Variants in WWTR1 observed in about 807,000 individuals in gnomAD.
The protein encoded by WWTR1 is WW domain-containing transcription regulator protein 1.
A neutral mutation model predicts 40.1 loss-of-function variants in WWTR1; 13 were observed. The ratio of observed to expected loss-of-function variants is 0.32; its 90% CI spans 0.21 to 0.52. The LOEUF (loss-of-function observed/expected upper bound fraction) is 0.52, where lower values mean the gene tolerates loss of function less well. Among genes scored for constraint, WWTR1 ranks in the 20% least tolerant of loss-of-function variants. WWTR1 has a pLI of 0.97. For synonymous variants in WWTR1, 230 were observed against 210.1 expected (o/e 1.09, Z -0.82); for missense variants, 436 against 523.1 (o/e 0.83, Z 1.63).
At chr3:149,677,485 A>G (rs1344933251) in intron 1 of WWTR1, among the ~76,000 whole-genome samples, 1 of 152,146 alleles carries the variant, frequency 6.6e-6, no homozygotes, top group Non-Finnish European at 1.5e-5. Context: ...CTCCAAATGT[A>G]TATCTACAGA....
intron 1 of WWTR1, among the ~76,000 whole-genome samples, chr3:149,692,159 A>G (rs2108214265): frequency 6.6e-6 from 1 of 152,200 alleles, no homozygotes; most frequent in East Asian, 1.9e-4. Context: ...GACACATTAA[A>G]AAAAAAAAGA....
intron 3 of WWTR1, among the ~76,000 whole-genome samples, chr3:149,566,945 T>G (rs746215630): frequency 9.1e-4 from 139 of 152,236 alleles, no homozygotes; most frequent in Non-Finnish European, 1.7e-3. Flanking sequence ...TGTGCATGTG[T>G]GTATATGTAA....
Position 149,520,029 on chromosome 3 carries a change from A to C in WWTR1, c.*776T>G, listed in dbSNP as rs1734968263. The C allele has an allele frequency of 6.6e-6, 1 of 152,190 alleles. No homozygotes were observed. Among genetic ancestry groups the C allele is most frequent in the South Asian group, 2.1e-4 (1 of 4,830 alleles). 9.4% of individuals were successfully genotyped at this position (152,190 alleles called of 1,614,324 possible). On this transcript the variant is annotated 3_prime_UTR_variant, in exon 7 of 7. Transcript: ENST00000360632. ...TAAATCCCCAGTTGTAATATTTCAA[A>C]AACTTTTGTTTGAATAAAATGCTCA...
intron 2 of WWTR1, among the ~76,000 whole-genome samples, chr3:149,613,588 C>T (rs1013091706): frequency 1.3e-5 from 2 of 152,120 alleles, no homozygotes; most frequent in African/African-American, 2.4e-5. Context: ...CTCTGTTGCC[C>T]AGGGTGGAGT....
chr3:149,632,189 G>A (rs761690271), intron 2 of WWTR1, among the ~76,000 whole-genome samples: 18 of 152,172 alleles, frequency 1.2e-4, no homozygotes, highest in Middle Eastern at 6.8e-3. Context: ...CTGGGATTAC[G>A]GGCGTGAGAG....
chr3:149,698,077 T>TGCTCTCACA (rs1559844504), intron 1 of WWTR1, among the ~76,000 whole-genome samples: 41 of 152,356 alleles, frequency 2.7e-4, no homozygotes, highest in African/African-American at 8.9e-4. Flanking sequence ...TGGAGTTGAG[T>TGCTCTCACA]ACTTGCATGT....
chr3:149,621,056 G>A (rs2108085559), intron 2 of WWTR1, among the ~76,000 whole-genome samples: 1 of 152,336 alleles, frequency 6.6e-6, no homozygotes, highest in East Asian at 1.9e-4. Context: ...GAAAACAAAT[G>A]TGCTGCCGTT....
intron 1 of WWTR1, among the ~76,000 whole-genome samples, chr3:149,687,161 TACTGCAATTTTAGAGCTTACCTACTTCA>T (rs1714681328): frequency 1.3e-5 from 2 of 152,192 alleles, no homozygotes; most frequent in Admixed American, 6.5e-5. Flanking sequence ...ACCTTTTACC[TACTGCAATTTTAGAGCTTACCTACTTCA>T]ACTGCAATTT....
intron 3 of WWTR1, among the ~76,000 whole-genome samples, chr3:149,564,831 G>A (rs555489442): frequency 3.3e-5 from 5 of 152,254 alleles, no homozygotes; most frequent in East Asian, 3.9e-4. Context: ...AAATTAGAAT[G>A]TTACAACAAA....
At chr3:149,565,133 G>T (rs1037038714) in intron 3 of WWTR1, among the ~76,000 whole-genome samples, 1 of 151,106 alleles carries the variant, frequency 6.6e-6, no homozygotes, top group Non-Finnish European at 1.5e-5. Context: ...GTTGCAGTGA[G>T]CCGAGATCAC....
intron 2 of WWTR1, among the ~76,000 whole-genome samples, chr3:149,626,208 T>C (rs979440295): frequency 1.3e-5 from 2 of 152,242 alleles, no homozygotes; most frequent in African/African-American, 4.8e-5. Context: ...TAGGAAACAA[T>C]TGCAAATAAG....
intron 3 of WWTR1, among the ~76,000 whole-genome samples, chr3:149,570,114 T>C (rs574749127): frequency 5.2e-5 from 8 of 152,392 alleles, no homozygotes; most frequent in African/African-American, 1.7e-4. Context: ...AATTAAGTCC[T>C]GGTCTTTGGA....
intron 2 of WWTR1, among the ~76,000 whole-genome samples, chr3:149,635,332 G>A (rs1297796631): frequency 6.6e-6 from 1 of 152,178 alleles, no homozygotes; most frequent in Non-Finnish European, 1.5e-5. Flanking sequence ...TTAGGTCTTT[G>A]AGATGAGGTT....
At chr3:149,586,850 A>G (rs1738453780) in intron 2 of WWTR1, among the ~76,000 whole-genome samples, 2 of 152,228 alleles carry the variant, frequency 1.3e-5, no homozygotes, top group Non-Finnish European at 1.5e-5. Flanking sequence ...ATAAAAATCC[A>G]TAAGGATAGG....
chr3:149,528,953 G>C (rs1439723382), intron 4 of WWTR1, among the ~76,000 whole-genome samples: 1 of 152,162 alleles, frequency 6.6e-6, no homozygotes, highest in East Asian at 1.9e-4. Flanking sequence ...GCATTACATT[G>C]CTAAGAAGAG....
rs1488122751 is a variant in WWTR1 at position 149,716,584 on chromosome 3, AG to A, written n.584+857del. ...AATAAAAATATTCTTATCTGGTATT[AG>A]GGAAAAAAAAATTATATTTTAACAT... On this transcript the variant is annotated intron_variant and non_coding_transcript_variant, in intron 5 of 6. Transcript: ENST00000474080. Among the ~76,000 whole-genome samples the A allele has an allele frequency of 2.6e-5, 4 of 152,256 alleles. No individual in the cohort carries two copies. The East Asian group carries it at 5.8e-4, about 22-fold the overall frequency.
intron 3 of WWTR1, among the ~76,000 whole-genome samples, chr3:149,560,546 G>A (rs78708710): frequency 2.6e-5 from 4 of 152,296 alleles, no homozygotes; most frequent in South Asian, 2.1e-4. Flanking sequence ...CAGTTGATAC[G>A]GCAGAAATTA....
chr3:149,619,926 C>T (rs1367882907), intron 2 of WWTR1, among the ~76,000 whole-genome samples: 1 of 152,146 alleles, frequency 6.6e-6, no homozygotes, highest in East Asian at 1.9e-4. Context: ...ATTTTGTTTT[C>T]CAAATTGGTG....
intron 2 of WWTR1, among the ~76,000 whole-genome samples, chr3:149,640,608 A>G (rs1712118345): frequency 6.6e-6 from 1 of 152,064 alleles, no homozygotes; most frequent in African/African-American, 2.4e-5. Flanking sequence ...TTTAGTAGAG[A>G]CAGGGTTTCA....
Sources: gnomAD v4.1 joint callset for allele counts (sites outside exome capture counted in the v4.1 genomes callset) on GRCh38, gnomAD v4.1.1 for gene constraint, MANE v1.5 for transcripts, NCBI Gene and HGNC (gene_info 2026-07-23, HGNC 2026-07-21) for gene names.